SLC26A7: variants seen among roughly 807,000 people sequenced by gnomAD.
The protein encoded by SLC26A7 is anion exchange transporter.
SLC26A7 carries 59 observed loss-of-function variants against 82.5 expected under a neutral mutation model. The observed-to-expected ratio is 0.72, with a 90% confidence interval of 0.58 to 0.89. The LOEUF (loss-of-function observed/expected upper bound fraction) is 0.89, where lower values mean the gene tolerates loss of function less well. Ranked by LOEUF, SLC26A7 falls within the 40% of genes least tolerant of loss-of-function variation. The pLI is 0.00. For missense variants in SLC26A7, 820 were observed against 793.0 expected (o/e 1.03, Z -0.41); for synonymous variants, 271 against 274.3 (o/e 0.99, Z 0.12).
At chr8:91,311,583 C>A (rs1010237620) in intron 4 of SLC26A7, among the ~76,000 whole-genome samples, 14 of 152,268 alleles carry the variant, frequency 9.2e-5, no homozygotes, top group African/African-American at 3.1e-4. Context: ...CAACCACCTC[C>A]ACCATTTGTA....
chr8:91,303,810 A>G (rs993469022), intron 4 of SLC26A7, among the ~76,000 whole-genome samples: 3 of 152,202 alleles, frequency 2.0e-5, no homozygotes, highest in Admixed American at 6.6e-5. Context: ...TATACTGCCT[A>G]TTCAACACAT....
intron 1 of SLC26A7, among the ~76,000 whole-genome samples, chr8:91,215,088 G>A (rs1452672768): frequency 6.6e-6 from 1 of 151,830 alleles, no homozygotes; most frequent in Admixed American, 6.6e-5. Context: ...TGATTACATG[G>A]CGCCCACCTA....
intron 6 of SLC26A7, among the ~76,000 whole-genome samples, chr8:91,335,246 G>T (rs1012587584): frequency 6.6e-6 from 1 of 152,026 alleles, no homozygotes; most frequent in African/African-American, 2.4e-5. Context: ...GTAGGTTTAT[G>T]TACAATTATA....
chr8:91,394,790 A>G (rs1808521721), intron 18 of SLC26A7: 1 of 948,132 alleles, frequency 1.1e-6, no homozygotes, highest in Non-Finnish European at 1.4e-6. Context: ...CCATGACCTT[A>G]TGAGGTAGAT....
Position 91,312,713 on chromosome 8 carries a change from C to T in SLC26A7, c.478-5503C>T, listed in dbSNP as rs139450218. 1.2e-3 allele frequency among the ~76,000 whole-genome samples: 176 copies of T among 151,882 alleles called. 2 individuals carry two copies. In the South Asian group the frequency reaches 0.018, roughly 16 times the overall value. ...TCCTAACGGATGTGAGGTGCTCTCT[C>T]ATTGTAGTTTTGATTTGCATTTTCT... On this transcript the variant is annotated intron_variant, in intron 4 of 18. Transcript: ENST00000276609.
At chr8:91,267,438 C>T (rs1811144681) in intron 2 of SLC26A7, among the ~76,000 whole-genome samples, 3 of 151,804 alleles carry the variant, frequency 2.0e-5, no homozygotes, top group Admixed American at 1.3e-4. Context: ...AATTCCATTA[C>T]TAATTATTGG....
At chr8:91,352,757 T>C in intron 10 of SLC26A7, 144 bp from the exon 11 acceptor site, 1 of 555,140 alleles carries the variant, frequency 1.8e-6, no homozygotes, top group Non-Finnish European at 3.1e-6. Context: ...TTAAACAAAA[T>C]AAATATTGCT....
rs78015779 is a variant in SLC26A7, at chr8:91,317,398, C to T, written c.478-818C>T. 5.9e-3 allele frequency among the ~76,000 whole-genome samples: 893 copies of T among 152,172 alleles called. 8 individuals are homozygous for T. Among genetic ancestry groups the T allele is most frequent in the African/African-American group, 0.02 (813 of 41,506 alleles). On this transcript the variant is annotated intron_variant, in intron 4 of 18. Coordinates refer to ENST00000276609, the MANE Select transcript of SLC26A7 (RefSeq NM_052832.4). ...ATGTCTCTACCCTATCTGTCTTTTG[C>T]GGTGCCACATATACAAATAAGTCCT...
At chr8:91,312,005 C>G (rs1812502217) in intron 4 of SLC26A7, among the ~76,000 whole-genome samples, 1 of 152,150 alleles carries the variant, frequency 6.6e-6, no homozygotes. Context: ...TTCCTTTTGG[C>G]TTATTGTATT....
At chr8:91,315,456 CAA>C (rs369402122) in intron 4 of SLC26A7, among the ~76,000 whole-genome samples, 1 of 102,548 alleles carries the variant, frequency 9.8e-6, no homozygotes, top group Non-Finnish European at 2.1e-5. Flanking sequence ...CAAGAGCTGC[CAA>C]AAAAAAAAAA....
At chr8:91,221,746 C>G (rs1446619502) in intron 2 of SLC26A7, among the ~76,000 whole-genome samples, 1 of 152,092 alleles carries the variant, frequency 6.6e-6, no homozygotes, top group Non-Finnish European at 1.5e-5. Context: ...GTTTTGGTAC[C>G]AGTACAATGC....
intron 2 of SLC26A7, among the ~76,000 whole-genome samples, chr8:91,229,441 T>C (rs1810283555): frequency 6.6e-6 from 1 of 152,230 alleles, no homozygotes; most frequent in Non-Finnish European, 1.5e-5. Context: ...TGGAAGAACT[T>C]TGCAATGAAC....
At chr8:91,234,908 G>GTTTC (rs1172554593) in intron 2 of SLC26A7, among the ~76,000 whole-genome samples, 23 of 126,640 alleles carry the variant, frequency 1.8e-4, no homozygotes, top group African/African-American at 4.9e-4. Flanking sequence ...CTCTCTCTCT[G>GTTTC]TTTCTTTCTT....
At chr8:91,394,519 G>T in intron 18 of SLC26A7, 1 of 1,311,644 alleles carries the variant, frequency 7.6e-7, no homozygotes, top group Non-Finnish European at 9.7e-7. Flanking sequence ...CAAATGCTGG[G>T]CTTATGGTTT....
At chr8:91,280,909 T>C (rs1350413939) in intron 2 of SLC26A7, among the ~76,000 whole-genome samples, 1 of 152,222 alleles carries the variant, frequency 6.6e-6, no homozygotes, top group Non-Finnish European at 1.5e-5. Context: ...CTATATTTCT[T>C]TGGGAAATGC....
intron 4 of SLC26A7, among the ~76,000 whole-genome samples, chr8:91,301,396 C>G (rs1457853229): frequency 6.6e-6 from 1 of 152,060 alleles, no homozygotes; most frequent in Non-Finnish European, 1.5e-5. Context: ...GTTTCTTTTA[C>G]AAAAATTGGT....
chr8:91,351,732 C>A, intron 9 of SLC26A7, 78 bp from the exon 10 acceptor site: 1 of 868,770 alleles, frequency 1.2e-6, no homozygotes, highest in South Asian at 1.4e-5. Context: ...AAGAATTATC[C>A]CCCCCACCCC....
intron 4 of SLC26A7, among the ~76,000 whole-genome samples, chr8:91,311,704 T>A (rs1375548623): frequency 6.6e-6 from 1 of 152,136 alleles, no homozygotes; most frequent in Admixed American, 6.5e-5. Flanking sequence ...TGGTCTATGG[T>A]CTGTGCTTTT....
chr8:91,375,520 T>A (rs1047247574), intron 15 of SLC26A7, among the ~76,000 whole-genome samples: 1 of 149,814 alleles, frequency 6.7e-6, no homozygotes, highest in Non-Finnish European at 1.5e-5. Flanking sequence ...TTGGCTGGCA[T>A]TTTTTTTTTC....
Sources: gnomAD v4.1 joint callset for allele counts (sites outside exome capture counted in the v4.1 genomes callset) on GRCh38, gnomAD v4.1.1 for gene constraint, MANE v1.5 for transcripts, NCBI Gene and HGNC (gene_info 2026-07-23, HGNC 2026-07-21) for gene names.